The following FBXO36 variants were observed in gnomAD, a reference collection of about 807,000 sequenced individuals.
FBXO36 encodes the protein F-box protein 36.
In FBXO36, 18 loss-of-function variants were observed where a neutral mutation model predicts 17.0. The ratio of observed to expected loss-of-function variants is 1.06; its 90% CI spans 0.73 to 1.57. The LOEUF is 1.57. FBXO36 is among the 40% of genes most tolerant of loss of function. FBXO36 has a pLI of 0.00. For synonymous variants in FBXO36, 83 were observed against 85.3 expected, an observed-to-expected ratio of 0.97 and a Z score of 0.15; for missense variants, 229 against 221.9, an observed-to-expected ratio of 1.03 and a Z score of -0.20.
rs1437222434 is a variant in FBXO36 at position 230,012,372 on chromosome 2, C to T, written c.*1488C>T. ...GGGCTCCCCGGTGCCAGTTTGAGAC[C>T]GTCAACCTAGCCCTCTCTGCTTCTC... On this transcript the variant is annotated 3_prime_UTR_variant, in exon 4 of 4. Coordinates refer to ENST00000283946, the MANE Select transcript of FBXO36 (RefSeq NM_174899.5). 2 of 152,224 alleles carry T rather than the reference C, an allele frequency of 1.3e-5. No homozygotes were observed. Among genetic ancestry groups the T allele is most frequent in the South Asian group, 2.1e-4 (1 of 4,822 alleles). The allele number at this position is 152,224 out of a possible 1,614,324, so 9.4% of individuals were successfully genotyped here. A position where few individuals can be genotyped will look rare whatever the true frequency, so the allele number is the denominator to read the frequency against.
intron 1 of FBXO36, among the ~76,000 whole-genome samples, chr2:229,938,054 G>A (rs768933953): frequency 5.9e-5 from 9 of 152,148 alleles, no homozygotes; most frequent in East Asian, 1.9e-4. Flanking sequence ...TGCAACCTCT[G>A]CCTCCTGGGT....
intron 2 of FBXO36, among the ~76,000 whole-genome samples, chr2:229,981,677 G>T (rs1218875573): frequency 7.4e-6 from 1 of 134,408 alleles, no homozygotes; most frequent in African/African-American, 2.7e-5. Context: ...ACTCCAACCT[G>T]GGTGACAGAA....
At chr2:229,956,355 C>T (rs1257062752) in intron 1 of FBXO36, among the ~76,000 whole-genome samples, 1 of 152,146 alleles carries the variant, frequency 6.6e-6, no homozygotes, top group Non-Finnish European at 1.5e-5. Flanking sequence ...TTCCCATCAC[C>T]CTCTGAAGGT....
Position 229,976,322 on chromosome 2 carries a change from G to A in FBXO36, c.178G>A (p.Asp60Asn), listed in dbSNP as rs2077208114. ...TGGAGAAGCAAAAGAAACCCATGAA[G>A]ACTTCCTAGAGAATTCACATCTTCA... ...KPGEAKETHE[D>N]FLENSHLQGQ... Residue 60 changes from aspartate to asparagine, a missense_variant, in exon 2 of 4, where the codon GAC becomes AAC. Coordinates refer to ENST00000283946, the MANE Select transcript of FBXO36 (RefSeq NM_174899.5). The A allele has an allele frequency of 6.2e-7, 1 of 1,613,404 alleles. No homozygotes were observed. Among genetic ancestry groups the A allele is most frequent in the Non-Finnish European group, 8.5e-7 (1 of 1,179,500 alleles).
At chr2:229,953,858 G>A (rs1459248642) in intron 1 of FBXO36, among the ~76,000 whole-genome samples, 2 of 151,842 alleles carry the variant, frequency 1.3e-5, no homozygotes, top group African/African-American at 2.4e-5. Context: ...ACAAGTCAAC[G>A]TAATTATTTC....
At chr2:229,933,095 C>T in intron 1 of FBXO36, among the ~76,000 whole-genome samples, 1 of 152,076 alleles carries the variant, frequency 6.6e-6, no homozygotes, top group Admixed American at 6.6e-5. Flanking sequence ...ATTGAGTTTG[C>T]ATCGAAGATT....
At chr2:229,938,177 GAGC>G (rs1437832551) in intron 1 of FBXO36, among the ~76,000 whole-genome samples, 1 of 146,310 alleles carries the variant, frequency 6.8e-6, no homozygotes, top group Non-Finnish European at 1.5e-5. Context: ...GAGATGGCGT[GAGC>G]CACCGCGCCC....
intron 1 of FBXO36, among the ~76,000 whole-genome samples, chr2:229,924,146 A>C (rs1247916961): frequency 2.0e-5 from 3 of 152,138 alleles, no homozygotes; most frequent in Non-Finnish European, 4.4e-5. Context: ...GCTGGAGTGC[A>C]GTGGCGCGAT....
chr2:229,940,013 C>T (rs1255681068), intron 1 of FBXO36, among the ~76,000 whole-genome samples: 2 of 151,816 alleles, frequency 1.3e-5, no homozygotes, highest in African/African-American at 4.8e-5. Context: ...CCCGGGAGTC[C>T]AGGGTACAGT....
chr2:229,999,530 T>C (rs1035368094), intron 3 of FBXO36, among the ~76,000 whole-genome samples: 1 of 149,102 alleles, frequency 6.7e-6, no homozygotes, highest in Non-Finnish European at 1.5e-5. Flanking sequence ...TGTGTATATA[T>C]ACACACACAC....
chr2:229,980,108 C>A (rs2077230287), intron 2 of FBXO36, among the ~76,000 whole-genome samples: 2 of 152,002 alleles, frequency 1.3e-5, no homozygotes. Flanking sequence ...ACGGCAGTGG[C>A]ACGATCTCAG....
rs990950991 is a variant in FBXO36, at chr2:229,924,829, C to T, written c.96+2220C>T. Among the ~76,000 whole-genome samples, 91 of 151,728 alleles carry T rather than the reference C, an allele frequency of 6.0e-4. 1 individual carries two copies. The highest frequency in any genetic ancestry group is 1.1e-3 in the Non-Finnish European group (78 of 67,938). ...TGTCGCCCAGGCTGGAGTGCAGTGG[C>T]TCAATCTCAGCTCACTGCAAGCTCC... On this transcript the variant is annotated intron_variant, in intron 1 of 3. Transcript: ENST00000283946.
At chr2:230,006,905 T>C (rs2077389861) in intron 3 of FBXO36, among the ~76,000 whole-genome samples, 1 of 152,200 alleles carries the variant, frequency 6.6e-6, no homozygotes, top group Non-Finnish European at 1.5e-5. Context: ...AGGGAGTCCA[T>C]GGTGCTATTC....
chr2:229,942,573 C>T (rs1405513623), intron 1 of FBXO36, among the ~76,000 whole-genome samples: 1 of 152,156 alleles, frequency 6.6e-6, no homozygotes, highest in Non-Finnish European at 1.5e-5. Context: ...GGCTCCAGGA[C>T]CATCAGGTGG....
At chr2:229,975,962 C>T (rs36081834) in intron 1 of FBXO36, among the ~76,000 whole-genome samples, 80 of 152,086 alleles carry the variant, frequency 5.3e-4, no homozygotes, top group Non-Finnish European at 8.4e-4. Flanking sequence ...CCCACCTCGG[C>T]CTCCCAAAGT....
chr2:229,984,404 T>G (rs912937482), intron 2 of FBXO36, among the ~76,000 whole-genome samples: 6 of 151,642 alleles, frequency 4.0e-5, no homozygotes, highest in African/African-American at 1.5e-4. Flanking sequence ...TTTTTTTTAT[T>G]TTTTGAGTCG....
intron 1 of FBXO36, among the ~76,000 whole-genome samples, chr2:229,925,904 A>G (rs1234271327): frequency 6.6e-6 from 1 of 152,102 alleles, no homozygotes; most frequent in Non-Finnish European, 1.5e-5. Flanking sequence ...CTTTTGGATT[A>G]CAGCTTGGGG....
intron 3 of FBXO36, among the ~76,000 whole-genome samples, chr2:230,000,498 C>T (rs2077352759): frequency 6.6e-6 from 1 of 151,482 alleles, no homozygotes; most frequent in Non-Finnish European, 1.5e-5. Context: ...ATTTGATTTT[C>T]TATCAAATCC....
At chr2:229,937,803 G>C (rs1456506589) in intron 1 of FBXO36, 1 of 152,174 alleles carries the variant, frequency 6.6e-6, no homozygotes, top group African/African-American at 2.4e-5. Context: ...AGAAGGGAAA[G>C]GGTGTCTCTT....
Sources: gnomAD v4.1 joint callset for allele counts (sites outside exome capture counted in the v4.1 genomes callset) on GRCh38, gnomAD v4.1.1 for gene constraint, MANE v1.5 for transcripts, NCBI Gene and HGNC (gene_info 2026-07-23, HGNC 2026-07-21) for gene names.